CDC7: variants seen among roughly 807,000 people sequenced by gnomAD.
CDC7 encodes the protein cell division cycle 7-related protein kinase.
In CDC7, 34 loss-of-function variants were observed where a neutral mutation model predicts 53.5. The ratio of observed to expected loss-of-function variants is 0.64; its 90% confidence interval spans 0.48 to 0.85. CDC7 has a LOEUF of 0.85. Ranked by LOEUF, CDC7 falls within the 40% of genes least tolerant of loss-of-function variation. The pLI is 0.00. For synonymous variants in CDC7, 211 were observed against 222.8 expected, an observed-to-expected ratio of 0.95 and a Z score of 0.47; for missense variants, 594 against 679.7, an observed-to-expected ratio of 0.87 and a Z score of 1.40.
chr1:91,507,803 G>A (rs1033703486), intron 2 of CDC7, 51 bp from the exon 3 acceptor site: 1 of 1,113,808 alleles, frequency 9.0e-7, no homozygotes, highest in East Asian at 2.5e-5. Flanking sequence ...TTAAGAAACT[G>A]TAAAATATAC....
intron 4 of CDC7, among the ~76,000 whole-genome samples, chr1:91,510,241 C>G (rs1479437872): frequency 6.6e-6 from 1 of 151,742 alleles, no homozygotes; most frequent in Non-Finnish European, 1.5e-5. Flanking sequence ...AAAAGAGTGA[C>G]ATTGCTTGAA....
intron 4 of CDC7, among the ~76,000 whole-genome samples, chr1:91,509,510 C>T (rs1667164981): frequency 6.6e-6 from 1 of 152,082 alleles, no homozygotes; most frequent in East Asian, 1.9e-4. Flanking sequence ...ACATTAATCA[C>T]TAAGTCCTAG....
In CDC7 at chr1:91,513,975, C is replaced by A. The variant is rs769620136; in HGVS notation, c.850C>A (p.Arg284Ser). Residue 284 changes from arginine (R) to serine (S), a missense_variant, in exon 8 of 12, where the codon CGC becomes AGC. Physicochemically the swap from Arg to Ser is moderately radical, Grantham distance 110. Coordinates refer to ENST00000234626, the MANE Select transcript of CDC7 (RefSeq NM_003503.4). Reference sequence around the variant, plus strand: ...GGGATCTGTAGGCCTTTCTGTCCAGCGCTCTGTTTTTGGAGAAAGAAATTT... The same window carrying A: ...GGGATCTGTAGGCCTTTCTGTCCAGAGCTCTGTTTTTGGAGAAAGAAATTT... Reference protein sequence around the residue: ...KEGSVGLSVQRSVFGERNFNI... With the variant: ...KEGSVGLSVQSSVFGERNFNI... 6.2e-7 allele frequency: 1 copy of A among 1,612,002 alleles called. No individual in the cohort carries two copies. Among genetic ancestry groups the A allele is most frequent in the Non-Finnish European group, 8.5e-7 (1 of 1,178,436 alleles).
chr1:91,501,248 CA>C (rs1219434677), intron 1 of CDC7: 1 of 159,940 alleles, frequency 6.3e-6, no homozygotes, highest in African/African-American at 2.4e-5. Flanking sequence ...AGTTCTCCGT[CA>C]ACTTGCTTGG....
intron 6 of CDC7, among the ~76,000 whole-genome samples, chr1:91,512,252 A>G (rs935412949): frequency 3.3e-5 from 5 of 152,126 alleles, no homozygotes; most frequent in African/African-American, 9.7e-5. Context: ...ACATACTGCA[A>G]TAGCCATGCA....
At chr1:91,521,832 A>G (rs1667963428) in intron 11 of CDC7, among the ~76,000 whole-genome samples, 1 of 151,962 alleles carries the variant, frequency 6.6e-6, no homozygotes. Context: ...ATAGCAAGCA[A>G]GAGCTTTTAG....
chr1:91,524,584 T>C lies in CDC7; in HGVS notation c.*149T>C, dbSNP rs957846622. ...TTGGTGGCACATTCTAAAATATAGA[T>C]TAAGAATACTTAAAATGCCTGGGAT... On this transcript the variant is annotated 3_prime_UTR_variant, in exon 12 of 12. Transcript: ENST00000234626. 4 of 620,796 alleles carry C rather than the reference T, an allele frequency of 6.4e-6. No individual in the cohort carries two copies. In the African/African-American group the frequency reaches 7.4e-5, roughly 11 times the overall value. The allele number at this position is 620,796 out of a possible 1,614,324, so 38.5% of individuals were successfully genotyped here. A position where few individuals can be genotyped will look rare whatever the true frequency, so the allele number is the denominator to read the frequency against.
intron 7 of CDC7, among the ~76,000 whole-genome samples, chr1:91,513,563 A>G (rs1667400892): frequency 6.6e-6 from 1 of 152,210 alleles, no homozygotes; most frequent in African/African-American, 2.4e-5. Flanking sequence ...TTTTATGACA[A>G]AAATGGAAAA....
At chr1:91,512,057 C>T in intron 6 of CDC7, 134 bp downstream of exon 6, 2 of 648,578 alleles carry the variant, frequency 3.1e-6, no homozygotes. Flanking sequence ...ATATTTATCT[C>T]AGTTACCCAT....
At chr1:91,510,121 A>C (rs772150399) in intron 4 of CDC7, among the ~76,000 whole-genome samples, 1 of 152,050 alleles carries the variant, frequency 6.6e-6, no homozygotes, top group Non-Finnish European at 1.5e-5. Flanking sequence ...AGGCTGAGGT[A>C]GGAGGATCGC....
rs1472639491 is a variant in CDC7 at position 91,514,806 on chromosome 1, T to A, written c.919-13T>A. ...TATCATGAAAATAGAAAAATGAGAC[T>A]TTTCTTTTACAGCTCATGAAGCAGT... On this transcript the variant is annotated splice_polypyrimidine_tract_variant and intron_variant, in intron 8 of 11. Coordinates refer to ENST00000234626, the MANE Select transcript of CDC7 (RefSeq NM_003503.4). 6.5e-7 allele frequency: 1 copy of A among 1,547,496 alleles called. No individual in the cohort carries two copies. The highest frequency in any genetic ancestry group is 8.7e-7 in the Non-Finnish European group (1 of 1,147,874).
chr1:91,522,095 A>T (rs1667979382), intron 11 of CDC7, among the ~76,000 whole-genome samples: 2 of 152,022 alleles, frequency 1.3e-5, no homozygotes, highest in Non-Finnish European at 2.9e-5. Flanking sequence ...AACCTGGGAG[A>T]TGGAGGTTGC....
At chr1:91,521,379 A>G (rs951772767) in intron 11 of CDC7, among the ~76,000 whole-genome samples, 3 of 152,208 alleles carry the variant, frequency 2.0e-5, no homozygotes, top group African/African-American at 7.2e-5. Flanking sequence ...CACTAGTGCT[A>G]TAGTCTAATC....
chr1:91,508,627 A>C (rs1667112405), intron 4 of CDC7, among the ~76,000 whole-genome samples: 1 of 152,018 alleles, frequency 6.6e-6, no homozygotes, highest in African/African-American at 2.4e-5. Context: ...GTCTTTTATC[A>C]CTGCTTTTTG....
chr1:91,513,221 C>A lies in CDC7; in HGVS notation c.736C>A (p.Leu246Met). The A allele has an allele frequency of 1.9e-6, 3 of 1,613,280 alleles. No homozygotes were observed. The highest frequency in any genetic ancestry group is 2.5e-6 in the Non-Finnish European group (3 of 1,179,356). ...ACTGAGTGGCCCAGTACCTAAGGAG[C>A]TGGATCAGCAGTCCACCACAAAAGC... Reference protein sequence around the residue: ...IPLSGPVPKELDQQSTTKASV... With the variant: ...IPLSGPVPKEMDQQSTTKASV... Residue 246 changes from leucine to methionine, a missense_variant, in exon 7 of 12, where the codon CTG becomes ATG. Coordinates refer to ENST00000234626, the MANE Select transcript of CDC7 (RefSeq NM_003503.4).
chr1:91,509,431 C>A (rs989876041), intron 4 of CDC7, among the ~76,000 whole-genome samples: 4 of 149,852 alleles, frequency 2.7e-5, no homozygotes, highest in African/African-American at 9.9e-5. Flanking sequence ...TGCAAATGGC[C>A]CATCTACACA....
At chr1:91,504,751 A>G (rs1324822853) in intron 2 of CDC7, among the ~76,000 whole-genome samples, 1 of 152,226 alleles carries the variant, frequency 6.6e-6, no homozygotes, top group Non-Finnish European at 1.5e-5. Context: ...GGTATAAACC[A>G]GAGAGTACAT....
Position 91,524,112 on chromosome 1 carries a change from A to T in CDC7, c.1402A>T (p.Met468Leu). Reference sequence around the variant, plus strand: ...AAAACTCTGTGAGAGACTCAGGGGTATGGATTCTAGCACTCCCAAGTTAAC... The same window carrying T: ...AAAACTCTGTGAGAGACTCAGGGGTTTGGATTCTAGCACTCCCAAGTTAAC... Reference protein sequence around the residue: ...LRKLCERLRGMDSSTPKLTSD... With the variant: ...LRKLCERLRGLDSSTPKLTSD... Residue 468 changes from methionine (M) to leucine (L), a missense_variant, in exon 12 of 12, where the codon ATG (methionine) becomes TTG (leucine). Physicochemically the swap from Met to Leu is conservative, Grantham distance 15. Coordinates refer to ENST00000234626, the MANE Select transcript of CDC7 (RefSeq NM_003503.4). 6.2e-7 allele frequency: 1 copy of T among 1,613,904 alleles called. No homozygotes were observed. The highest frequency in any genetic ancestry group is 8.5e-7 in the Non-Finnish European group (1 of 1,179,824).
chr1:91,518,095 A>AAAAAG (rs1667672576), intron 10 of CDC7, among the ~76,000 whole-genome samples: 1 of 140,002 alleles, frequency 7.1e-6, no homozygotes, highest in Non-Finnish European at 1.5e-5. Flanking sequence ...CTCAGTCTCA[A>AAAAAG]AAAAAAAAAA....
Sources: gnomAD v4.1 joint callset for allele counts (sites outside exome capture counted in the v4.1 genomes callset) on GRCh38, gnomAD v4.1.1 for gene constraint, MANE v1.5 for transcripts, NCBI Gene and HGNC (gene_info 2026-07-23, HGNC 2026-07-21) for gene names.